COG2: variants seen among roughly 807,000 people sequenced by gnomAD.
COG2 encodes the protein conserved oligomeric Golgi complex subunit 2.
A neutral mutation model predicts 90.6 loss-of-function variants in COG2; 52 were observed. That is an observed-to-expected ratio of 0.57 (90% CI 0.46 to 0.72). COG2 has a LOEUF of 0.72. COG2 is among the 30% of genes least tolerant of loss of function. The pLI, the probability that COG2 is intolerant of heterozygous loss-of-function variation, is 0.00. For missense variants in COG2, 829 were observed against 891.2 expected, an observed-to-expected ratio of 0.93 and a Z score of 0.89; for synonymous variants, 337 against 320.4, an observed-to-expected ratio of 1.05 and a Z score of -0.55.
intron 17 of COG2, among the ~76,000 whole-genome samples, chr1:230,693,029 C>T (rs1663074635): frequency 6.6e-6 from 1 of 151,610 alleles, no homozygotes; most frequent in Non-Finnish European, 1.5e-5. Context: ...GTTTTTAGGC[C>T]CACAAAAGAG....
At chr1:230,642,850 T>A (rs185298308) in intron 1 of COG2, 172 bp downstream of exon 1, 30 of 617,918 alleles carry the variant, frequency 4.9e-5, no homozygotes, top group Non-Finnish European at 7.6e-5. Context: ...GTTTGGCGGG[T>A]GCAGCCTGGA....
chr1:230,663,513 C>A (rs1286705633), intron 4 of COG2, among the ~76,000 whole-genome samples: 1 of 152,130 alleles, frequency 6.6e-6, no homozygotes, highest in African/African-American at 2.4e-5. Flanking sequence ...TCCTTTAGAT[C>A]CCTTCTCAGC....
chr1:230,672,429 C>T (rs1203600657), intron 8 of COG2, among the ~76,000 whole-genome samples: 3 of 152,300 alleles, frequency 2.0e-5, no homozygotes, highest in South Asian at 2.1e-4. Flanking sequence ...CTTGTACTCA[C>T]GTGCTTCTGC....
At chr1:230,663,368 T>C (rs549880989) in intron 4 of COG2, 147 bp downstream of exon 4, 1 of 333,442 alleles carries the variant, frequency 3.0e-6, no homozygotes, top group Non-Finnish European at 5.6e-6. Context: ...AAAGTGTTTA[T>C]ATTAAATAAA....
chr1:230,693,522 C>A lies in COG2; in HGVS notation c.*129C>A, dbSNP rs1663093473. ...CAAAGAAGTGCTTCCAGCATCACTC[C>A]AGCAACACGCCCATGCGTCTTCTCT... is the stretch of plus-strand genomic sequence containing the variant. On this transcript the variant is annotated 3_prime_UTR_variant, in exon 18 of 18. Coordinates refer to ENST00000366669, the MANE Select transcript of COG2 (RefSeq NM_007357.3). The A allele has an allele frequency of 1.7e-6, 1 of 586,534 alleles. No homozygotes were observed. Among genetic ancestry groups the A allele is most frequent in the Non-Finnish European group, 3.1e-6 (1 of 326,772 alleles). The allele number at this position is 586,534 out of a possible 1,614,324, so 36.3% of individuals were successfully genotyped here. A position where few individuals can be genotyped will look rare whatever the true frequency, so the allele number is the denominator to read the frequency against.
intron 8 of COG2, among the ~76,000 whole-genome samples, chr1:230,673,145 G>C (rs956983094): frequency 1.3e-5 from 2 of 152,164 alleles, no homozygotes; most frequent in Admixed American, 6.5e-5. Flanking sequence ...GAAACAATCA[G>C]CCATTAGATT....
chr1:230,688,218 A>G (rs1662932517), intron 14 of COG2, 75 bp downstream of exon 14: 2 of 1,234,760 alleles, frequency 1.6e-6, no homozygotes, highest in Non-Finnish European at 2.3e-6. Flanking sequence ...ACTGTAGGGT[A>G]TATTTAACAT....
chr1:230,688,060 ATTTAT>A lies in COG2; in HGVS notation c.1579-8_1579-4del. On this transcript the variant is annotated splice_polypyrimidine_tract_variant and splice_region_variant and intron_variant, in intron 13 of 17. Coordinates refer to ENST00000366669, the MANE Select transcript of COG2 (RefSeq NM_007357.3). ...AAGTAACTGAATATATAAAGTGCAT[ATTTAT>A]TTCAGCTTCCAGAACTCTTGGAAAT... The A allele has an allele frequency of 6.4e-7, 1 of 1,572,474 alleles. No individual in the cohort carries two copies. Among genetic ancestry groups the A allele is most frequent in the Non-Finnish European group, 8.6e-7 (1 of 1,159,120 alleles).
chr1:230,691,681 T>C (rs1477445429), intron 17 of COG2, 117 bp downstream of exon 17: 1 of 963,644 alleles, frequency 1.0e-6, no homozygotes, highest in Non-Finnish European at 1.5e-6. Flanking sequence ...AGGGAATTGC[T>C]TCCTGTGTTA....
intron 15 of COG2, among the ~76,000 whole-genome samples, chr1:230,689,460 T>G (rs540151263): frequency 6.6e-6 from 1 of 152,314 alleles, no homozygotes; most frequent in East Asian, 1.9e-4. Flanking sequence ...TTGCATAGTC[T>G]TATTATCCTC....
Position 230,685,085 on chromosome 1 carries a change from C to A in COG2, c.1229C>A (p.Ala410Asp). Reference protein sequence around the residue: ...ALTDVLEDAPAESPYCLLASH... With the variant: ...ALTDVLEDAPDESPYCLLASH... The stretch of plus-strand genomic sequence containing the variant: ...TGTGTTGTTGTTGTTTTTTCTCTAG[C>A]TGAAAGTCCGTATTGCCTTTTGGCT... The change falls in exon 12 of 18, where the codon GCT becomes GAT. Residue 410 changes from alanine to aspartate, a missense_variant and splice_region_variant. Coordinates refer to ENST00000366669, the MANE Select transcript of COG2 (RefSeq NM_007357.3). The A allele has an allele frequency of 6.2e-7, 1 of 1,613,518 alleles. No individual in the cohort carries two copies. The highest frequency in any genetic ancestry group is 1.1e-5 in the South Asian group (1 of 90,906).
At chr1:230,650,612 A>C (rs1441341348) in intron 1 of COG2, among the ~76,000 whole-genome samples, 1 of 151,988 alleles carries the variant, frequency 6.6e-6, no homozygotes, top group Non-Finnish European at 1.5e-5. Flanking sequence ...CTTTTGTTGC[A>C]TGTATGATTT....
intron 7 of COG2, 80 bp from the exon 8 acceptor site, chr1:230,671,432 GTTTT>G: frequency 7.7e-7 from 1 of 1,300,352 alleles, no homozygotes; most frequent in Non-Finnish European, 1.1e-6. Flanking sequence ...GATTTGTAAA[GTTTT>G]CTTTATTGTT....
intron 8 of COG2, among the ~76,000 whole-genome samples, chr1:230,672,373 C>T (rs1662470821): frequency 6.6e-6 from 1 of 152,154 alleles, no homozygotes; most frequent in African/African-American, 2.4e-5. Context: ...CCTCCATAGC[C>T]CTGGATGCTC....
At chr1:230,685,810 C>G (rs1662870593) in intron 12 of COG2, among the ~76,000 whole-genome samples, 1 of 152,138 alleles carries the variant, frequency 6.6e-6, no homozygotes, top group African/African-American at 2.4e-5. Context: ...GAGCACCAGC[C>G]CGGCGGGTCC....
At chr1:230,663,321 C>A in intron 4 of COG2, 100 bp downstream of exon 4, 1 of 676,080 alleles carries the variant, frequency 1.5e-6, no homozygotes, top group Non-Finnish European at 2.4e-6. Context: ...TTCTTGATAC[C>A]TTTGCAGAGA....
chr1:230,672,214 C>T (rs1443972855), intron 8 of COG2, among the ~76,000 whole-genome samples: 2 of 152,172 alleles, frequency 1.3e-5, no homozygotes, highest in Non-Finnish European at 2.9e-5. Flanking sequence ...TTCTGACTGT[C>T]ACATTTACCC....
rs746954987 is a variant in COG2, at chr1:230,663,128, T to C, written c.301-13T>C. The C allele has an allele frequency of 2.4e-5, 38 of 1,587,576 alleles. No homozygotes were observed. Among genetic ancestry groups the C allele is most frequent in the Non-Finnish European group, 3.2e-5 (37 of 1,171,144 alleles). On this transcript the variant is annotated splice_polypyrimidine_tract_variant and intron_variant, in intron 3 of 17. Coordinates refer to ENST00000366669, the MANE Select transcript of COG2 (RefSeq NM_007357.3). ...ACAATCTCTGCAGTACTTTTTTTTT[T>C]TGTCTTTTAAAGAGCCTTAGATCGT...
chr1:230,664,670 TAAA>T, intron 5 of COG2, 83 bp downstream of exon 5: 1 of 632,880 alleles, frequency 1.6e-6, no homozygotes, highest in Non-Finnish European at 2.6e-6. Flanking sequence ...TCATTTCTGA[TAAA>T]GAAGAAAATC....
Sources: gnomAD v4.1 joint callset for allele counts (sites outside exome capture counted in the v4.1 genomes callset) on GRCh38, gnomAD v4.1.1 for gene constraint, MANE v1.5 for transcripts, NCBI Gene and HGNC (gene_info 2026-07-23, HGNC 2026-07-21) for gene names.